Variants in MEGF11 observed in about 807,000 individuals in gnomAD.
MEGF11 encodes the protein multiple EGF like domains 11.
In MEGF11, 126 loss-of-function variants were observed where a neutral mutation model predicts 146.6. The ratio of observed to expected loss-of-function variants is 0.86; its 90% CI spans 0.74 to 1.00. MEGF11 has a LOEUF of 1.00. Among genes scored for constraint, MEGF11 ranks in the 50% least tolerant of loss-of-function variants. The pLI is 0.00. For synonymous variants in MEGF11, 532 were observed against 583.4 expected, an observed-to-expected ratio of 0.91 and a Z score of 1.27; for missense variants, 1,509 against 1,521.2, an observed-to-expected ratio of 0.99 and a Z score of 0.13.
chr15:66,108,552 C>A (rs1017747648), intron 4 of MEGF11, among the ~76,000 whole-genome samples: 1 of 152,132 alleles, frequency 6.6e-6, no homozygotes, highest in Non-Finnish European at 1.5e-5. Context: ...GCAGACGGGG[C>A]GGTCAGGGAA....
At chr15:65,919,499 A>T (rs991735663) in intron 15 of MEGF11, among the ~76,000 whole-genome samples, 2 of 152,242 alleles carry the variant, frequency 1.3e-5, no homozygotes, top group Non-Finnish European at 2.9e-5. Context: ...TTATGTCTAA[A>T]AAACAATGTA....
chr15:65,920,322 C>T (rs1293558660), intron 15 of MEGF11, among the ~76,000 whole-genome samples: 1 of 152,212 alleles, frequency 6.6e-6, no homozygotes, highest in Non-Finnish European at 1.5e-5. Flanking sequence ...TGACATGCAT[C>T]TCACCTGTTT....
chr15:65,933,029 C>T (rs1339853793), intron 10 of MEGF11, among the ~76,000 whole-genome samples: 1 of 152,164 alleles, frequency 6.6e-6, no homozygotes, highest in African/African-American at 2.4e-5. Context: ...CATCTGGCTT[C>T]ACTCCTATGT....
intron 5 of MEGF11, among the ~76,000 whole-genome samples, chr15:66,040,854 G>C (rs1006390209): frequency 6.6e-6 from 1 of 152,024 alleles, no homozygotes; most frequent in African/African-American, 2.4e-5. Flanking sequence ...GGGAAAATGG[G>C]GCTGAAATCT....
rs528913658 is a variant in MEGF11, at chr15:66,174,273, G to C, written c.-8-45862C>G. On this transcript the variant is annotated intron_variant, in intron 1 of 25. Coordinates refer to ENST00000395614, the MANE Select transcript of MEGF11 (RefSeq NM_001385028.1). The stretch of plus-strand genomic sequence containing the variant: ...GAAGGATAAGGCCAGAGATCAGAAA[G>C]GGGCTGCAGAGAGATGGAGGTGGGG... 1.6e-4 allele frequency among the ~76,000 whole-genome samples: 25 copies of C among 152,330 alleles called. 1 individual carries two copies. In the South Asian group the frequency reaches 4.8e-3, roughly 29 times the overall value.
At chr15:66,129,839 G>A (rs924557510) in intron 1 of MEGF11, among the ~76,000 whole-genome samples, 5 of 152,196 alleles carry the variant, frequency 3.3e-5, no homozygotes, top group African/African-American at 1.2e-4. Flanking sequence ...GTATAACCGT[G>A]GGGGTCTAAA....
intron 1 of MEGF11, among the ~76,000 whole-genome samples, chr15:66,153,579 GAAA>G (rs2089646904): frequency 1.4e-5 from 1 of 70,242 alleles, no homozygotes; most frequent in South Asian, 1.0e-3. Flanking sequence ...TCTCAAAAAA[GAAA>G]AAGAAAAAGA....
chr15:65,988,182 A>AT (rs957351960), intron 5 of MEGF11, among the ~76,000 whole-genome samples: 8 of 150,134 alleles, frequency 5.3e-5, no homozygotes, highest in Non-Finnish European at 1.0e-4. Context: ...TAATTTTCCT[A>AT]TTTTTTTGTA....
chr15:66,134,239 A>T (rs2088786940), intron 1 of MEGF11, among the ~76,000 whole-genome samples: 1 of 152,190 alleles, frequency 6.6e-6, no homozygotes, highest in South Asian at 2.1e-4. Context: ...CAACAGGCAC[A>T]GCCTCTGAAT....
intron 5 of MEGF11, among the ~76,000 whole-genome samples, chr15:66,041,520 A>G (rs1446849679): frequency 1.3e-5 from 2 of 152,240 alleles, no homozygotes; most frequent in East Asian, 3.8e-4. Flanking sequence ...CCTCCGATGT[A>G]CTGTTCAAAG....
chr15:65,950,873 C>G (rs923303718), intron 10 of MEGF11, among the ~76,000 whole-genome samples: 1 of 152,230 alleles, frequency 6.6e-6, no homozygotes, highest in Admixed American at 6.5e-5. Flanking sequence ...TTCAGAGAAG[C>G]CAACAGGTAG....
At chr15:65,926,559 A>G (rs574345813) in intron 13 of MEGF11, among the ~76,000 whole-genome samples, 1 of 152,300 alleles carries the variant, frequency 6.6e-6, no homozygotes, top group South Asian at 2.1e-4. Context: ...TGTGCCAGGG[A>G]CTGGGAAGTT....
chr15:65,913,401 G>A lies in MEGF11; in HGVS notation c.2710+336C>T, dbSNP rs539851991. The A allele has an allele frequency of 1.9e-4, 78 of 413,578 alleles. 1 individual carries two copies. The East Asian group carries it at 3.4e-3, about 18-fold the overall frequency. The allele number at this position is 413,578 out of a possible 1,614,324, so 25.6% of individuals were successfully genotyped here. On this transcript the variant is annotated intron_variant, in intron 20 of 25. Transcript: ENST00000395614. ...GCCTCCTGAGGTGGTACAGGCATCA[G>A]GTTGGGGAGACAGTCCTCTGGAGAG... is the stretch of plus-strand genomic sequence containing the variant.
At position 65,909,041 on chromosome 15, in the gene MEGF11, G is replaced by A. The variant is rs2078713892; in HGVS notation, c.2991C>T (p.His997=). Residue 997 remains histidine (H), a synonymous_variant, in exon 23 of 26, where the codon CAC becomes CAT. Transcript: ENST00000395614. ...GTAGGGCTGGGGTCTGACCTGGTGA[G>A]TGTGGCTCAGCGGGGCGGCTGAGGT... ...LRHLSRPAEP[H]SPGACGMDRR... The A allele has an allele frequency of 1.3e-6, 2 of 1,534,952 alleles. No individual in the cohort carries two copies. Among genetic ancestry groups the A allele is most frequent in the African/African-American group, 2.7e-5 (2 of 73,110 alleles).
intron 5 of MEGF11, among the ~76,000 whole-genome samples, chr15:66,065,918 G>T (rs1042536805): frequency 6.6e-6 from 1 of 152,160 alleles, no homozygotes; most frequent in Non-Finnish European, 1.5e-5. Flanking sequence ...AGGGGCTGGG[G>T]CCTGGGGTGA....
chr15:66,189,590 G>C (rs925408501), intron 1 of MEGF11, among the ~76,000 whole-genome samples: 2 of 152,136 alleles, frequency 1.3e-5, no homozygotes, highest in African/African-American at 4.8e-5. Flanking sequence ...AGGACAATGA[G>C]AGGGGGCGCA....
intron 1 of MEGF11, among the ~76,000 whole-genome samples, chr15:66,192,386 T>C (rs1041697291): frequency 6.7e-6 from 1 of 150,352 alleles, no homozygotes; most frequent in Non-Finnish European, 1.5e-5. Context: ...ACGAGACTCG[T>C]TTGAACTGAG....
At chr15:66,195,145 C>T (rs554213123) in intron 1 of MEGF11, among the ~76,000 whole-genome samples, 152 of 152,334 alleles carry the variant, frequency 1.0e-3, no homozygotes, top group Middle Eastern at 6.8e-3. Context: ...CATCTCCTCT[C>T]TATGTCTGTG....
At chr15:66,185,195 T>A (rs1326412172) in intron 1 of MEGF11, among the ~76,000 whole-genome samples, 1 of 152,038 alleles carries the variant, frequency 6.6e-6, no homozygotes, top group East Asian at 1.9e-4. Context: ...GGACGGCAGC[T>A]CATTTACAAC....
Sources: gnomAD v4.1 joint callset for allele counts (sites outside exome capture counted in the v4.1 genomes callset) on GRCh38, gnomAD v4.1.1 for gene constraint, MANE v1.5 for transcripts, NCBI Gene and HGNC (gene_info 2026-07-23, HGNC 2026-07-21) for gene names.